CAAP1: variants seen among roughly 807,000 people sequenced by gnomAD.
CAAP1 encodes conserved anti-apoptotic protein.
A neutral mutation model predicts 34.0 loss-of-function variants in CAAP1; 20 were observed. The observed-to-expected ratio is 0.59, with a 90% CI of 0.41 to 0.86. The LOEUF is 0.86. Among genes scored for constraint, CAAP1 ranks in the 40% least tolerant of loss-of-function variants. CAAP1 has a pLI of 0.00. For missense variants in CAAP1, 538 were observed against 450.5 expected, an observed-to-expected ratio of 1.19 and a Z score of -1.76; for synonymous variants, 213 against 166.7, an observed-to-expected ratio of 1.28 and a Z score of -2.14.
At chr9:26,892,136 A>G (rs138901050) in intron 1 of CAAP1, 2 of 751,098 alleles carry the variant, frequency 2.7e-6, no homozygotes, top group African/African-American at 1.8e-5. Context: ...TTCTTCCGGC[A>G]GAGTGAAACC....
intron 4 of CAAP1, among the ~76,000 whole-genome samples, chr9:26,870,584 A>ATACG (rs533927041): frequency 1.1e-3 from 136 of 123,016 alleles, no homozygotes; most frequent in African/African-American, 4.2e-3. Flanking sequence ...ACACACATAT[A>ATACG]TACGTGTGTG....
intron 5 of CAAP1, among the ~76,000 whole-genome samples, chr9:26,852,953 G>A (rs989176570): frequency 6.6e-6 from 1 of 152,304 alleles, no homozygotes; most frequent in Middle Eastern, 3.4e-3. Flanking sequence ...AGGAGTGTTT[G>A]GAGTGCTAGA....
At chr9:26,887,087 C>T (rs577177552) in intron 2 of CAAP1, among the ~76,000 whole-genome samples, 46 of 152,222 alleles carry the variant, frequency 3.0e-4, no homozygotes, top group African/African-American at 1.1e-3. Context: ...TGGTTCATGC[C>T]TGTAGTCCCA....
At position 26,884,885 on chromosome 9, in the gene CAAP1, C is replaced by T. The variant is rs2131339631; in HGVS notation, c.590G>A (p.Gly197Asp). ...SEKKILKILE[G>D]DNGMDSDMEE... ...CATATCAGAGTCCATTCCATTGTCACCTTATAAATGAAAGAAACTATTGAA... is the reference window on the plus strand; with the variant it reads ...CATATCAGAGTCCATTCCATTGTCATCTTATAAATGAAAGAAACTATTGAA... Residue 197 changes from glycine to aspartate, a missense_variant and splice_region_variant, in exon 4 of 6, where the codon GGT (glycine) becomes GAT (aspartate). By Grantham distance (94) the Gly-to-Asp change is moderately conservative. This residue lies in a region of CAAP1 where 514 missense variants were observed against 408.4 expected (regional missense o/e 1.26). Coordinates refer to ENST00000333916, the MANE Select transcript of CAAP1 (RefSeq NM_024828.4). The T allele has an allele frequency of 1.9e-6, 3 of 1,600,282 alleles. No individual in the cohort carries two copies. The highest frequency in any genetic ancestry group is 1.7e-4 in the Middle Eastern group (1 of 6,032).
intron 1 of CAAP1, among the ~76,000 whole-genome samples, chr9:26,888,251 T>A (rs1262546704): frequency 6.6e-6 from 1 of 152,202 alleles, no homozygotes; most frequent in Non-Finnish European, 1.5e-5. Flanking sequence ...GAATTCCCAT[T>A]GCTCCTAAGG....
chr9:26,856,625 C>G (rs1431617644), intron 5 of CAAP1, among the ~76,000 whole-genome samples: 3 of 152,138 alleles, frequency 2.0e-5, no homozygotes, highest in Admixed American at 2.0e-4. Flanking sequence ...GGCCTGTGTC[C>G]AAACACCTTC....
intron 4 of CAAP1, among the ~76,000 whole-genome samples, chr9:26,876,497 T>G (rs1400964337): frequency 1.3e-5 from 2 of 150,100 alleles, no homozygotes; most frequent in Admixed American, 6.7e-5. Flanking sequence ...TTTTTGAGAT[T>G]CCTTAAAACT....
At chr9:26,844,638 C>T (rs1822555606) in intron 5 of CAAP1, among the ~76,000 whole-genome samples, 1 of 152,174 alleles carries the variant, frequency 6.6e-6, no homozygotes, top group Non-Finnish European at 1.5e-5. Flanking sequence ...GACTCAGGTT[C>T]AATTTTCTGG....
chr9:26,882,416 C>A (rs1823612761), intron 4 of CAAP1, among the ~76,000 whole-genome samples: 1 of 152,166 alleles, frequency 6.6e-6, no homozygotes, highest in African/African-American at 2.4e-5. Flanking sequence ...TTGGCAGCTT[C>A]CATGTGGGGT....
At chr9:26,849,444 GTTAAC>G (rs1356262263) in intron 5 of CAAP1, among the ~76,000 whole-genome samples, 2 of 152,170 alleles carry the variant, frequency 1.3e-5, no homozygotes, top group Admixed American at 6.5e-5. Flanking sequence ...ATTGTTTAAA[GTTAAC>G]TTTAGTTCTT....
chr9:26,873,945 C>T (rs368721857), intron 4 of CAAP1, among the ~76,000 whole-genome samples: 2 of 152,052 alleles, frequency 1.3e-5, no homozygotes, highest in African/African-American at 2.4e-5. Context: ...CGGTGGCTCA[C>T]GCCTGTAATC....
chr9:26,843,234 C>T (rs191426376), intron 5 of CAAP1, among the ~76,000 whole-genome samples: 20 of 152,092 alleles, frequency 1.3e-4, no homozygotes, highest in African/African-American at 4.3e-4. Flanking sequence ...GTTTTAATGA[C>T]GAGGATTTTA....
chr9:26,842,848 A>G (rs1427198900), intron 5 of CAAP1, among the ~76,000 whole-genome samples: 1 of 152,136 alleles, frequency 6.6e-6, no homozygotes, highest in Non-Finnish European at 1.5e-5. Context: ...ATTCAAATGT[A>G]TTTTTCATTC....
intron 4 of CAAP1, among the ~76,000 whole-genome samples, chr9:26,884,375 ATAAC>A (rs1443608685): frequency 6.6e-6 from 1 of 152,208 alleles, no homozygotes; most frequent in African/African-American, 2.4e-5. Context: ...TTACATGAAC[ATAAC>A]TATCTCTTCT....
At chr9:26,845,105 C>G (rs1183238679) in intron 5 of CAAP1, among the ~76,000 whole-genome samples, 1 of 152,098 alleles carries the variant, frequency 6.6e-6, no homozygotes, top group African/African-American at 2.4e-5. Context: ...GTCTTCTTAT[C>G]CTGTTTTATT....
chr9:26,854,417 A>G (rs901623153), intron 5 of CAAP1, among the ~76,000 whole-genome samples: 26 of 152,184 alleles, frequency 1.7e-4, no homozygotes, highest in Non-Finnish European at 3.2e-4. Flanking sequence ...ATTCTATACT[A>G]TTTCCCAGAA....
At chr9:26,856,753 T>G (rs1271646438) in intron 5 of CAAP1, among the ~76,000 whole-genome samples, 1 of 152,252 alleles carries the variant, frequency 6.6e-6, no homozygotes, top group Non-Finnish European at 1.5e-5. Context: ...GAAAAAAATC[T>G]AATCACGCTT....
At chr9:26,877,464 A>G (rs1823469552) in intron 4 of CAAP1, among the ~76,000 whole-genome samples, 3 of 152,200 alleles carry the variant, frequency 2.0e-5, no homozygotes, top group Middle Eastern at 6.8e-3. Context: ...ACATGACTGT[A>G]TTTTCCTCAG....
In CAAP1 at chr9:26,842,046, T is replaced by C. The variant is rs570932709; in HGVS notation, c.*255A>G. On this transcript the variant is annotated 3_prime_UTR_variant, in exon 6 of 6. Coordinates refer to ENST00000333916, the MANE Select transcript of CAAP1 (RefSeq NM_024828.4). ...GGCTTTTAAGATTTGCAGACACAGC[T>C]AAATACTCATCTAACAAAGTATCCA... The C allele has an allele frequency of 2.4e-5, 8 of 328,924 alleles. No individual in the cohort carries two copies. The South Asian group carries it at 5.8e-4, about 24-fold the overall frequency. 20.4% of individuals were successfully genotyped at this position (328,924 alleles called of 1,614,324 possible). A position where few individuals can be genotyped will look rare whatever the true frequency, so the allele number is the denominator to read the frequency against.
Sources: gnomAD v4.1 joint callset for allele counts (sites outside exome capture counted in the v4.1 genomes callset) on GRCh38, gnomAD v4.1.1 for gene constraint, gnomAD v4.1.1 regional missense constraint, MANE v1.5 for transcripts, NCBI Gene and HGNC (gene_info 2026-07-23, HGNC 2026-07-21) for gene names.